The following ARAP2 variants were observed in gnomAD, a reference collection of about 807,000 sequenced individuals.
The protein encoded by ARAP2 is arf-GAP with Rho-GAP domain, ANK repeat and PH domain-containing protein 2.
In ARAP2, 148 loss-of-function variants were observed where a neutral mutation model predicts 194.5. The observed-to-expected ratio is 0.76, with a 90% CI of 0.67 to 0.87. ARAP2 has a LOEUF of 0.87. ARAP2 is among the 40% of genes least tolerant of loss of function. The pLI is 0.00. For missense variants in ARAP2, 2,128 were observed against 1,989.7 expected (o/e 1.07, Z -1.32); for synonymous variants, 695 against 683.5 (o/e 1.02, Z -0.26).
intron 6 of ARAP2, among the ~76,000 whole-genome samples, chr4:36,208,878 A>T (rs115707939): frequency 0.02 from 3,076 of 152,260 alleles, 95 homozygotes; most frequent in African/African-American, 0.07. Context: ...TATTTCCCCT[A>T]AAATGGAAAA....
chr4:36,038,322 A>G (rs188279778), intron 5 of ARAP2, among the ~76,000 whole-genome samples: 2 of 152,312 alleles, frequency 1.3e-5, no homozygotes, highest in Non-Finnish European at 2.9e-5. Flanking sequence ...AAAAGACTAT[A>G]AAGGATCAGG....
intron 31 of ARAP2, among the ~76,000 whole-genome samples, chr4:36,078,344 T>G (rs959192471): frequency 6.6e-6 from 1 of 152,108 alleles, no homozygotes; most frequent in African/African-American, 2.4e-5. Flanking sequence ...GAGAATGGGA[T>G]ATTTAAGCTG....
chr4:36,182,109 G>A (rs1408736757), intron 8 of ARAP2, among the ~76,000 whole-genome samples: 2 of 152,220 alleles, frequency 1.3e-5, no homozygotes, highest in Non-Finnish European at 1.5e-5. Context: ...CAGTACAGGA[G>A]AAAGGGAACA....
intron 5 of ARAP2, among the ~76,000 whole-genome samples, chr4:36,024,263 T>C (rs1456972859): frequency 6.6e-6 from 1 of 152,182 alleles, no homozygotes; most frequent in Non-Finnish European, 1.5e-5. Flanking sequence ...ATATATATGT[T>C]TATTCAAAAT....
At position 36,073,694 on chromosome 4, in the gene ARAP2, T is replaced by C. The variant is rs751004534; in HGVS notation, c.4738A>G (p.Ile1580Val). Residue 1580 changes from isoleucine (I) to valine (V), a missense_variant, in exon 32 of 33, where the codon ATT (isoleucine) becomes GTT (valine). Transcript: ENST00000303965. ...EGNATLARKN[I>V]ESARAELERL... Reference sequence around the variant, plus strand: ...CAAACAAAATCCTAACCTACCTCAATATTTTTCCGGGCCAAGGTTGCATTC... The same window carrying C: ...CAAACAAAATCCTAACCTACCTCAACATTTTTCCGGGCCAAGGTTGCATTC... 2 of 1,611,474 alleles carry C rather than the reference T, an allele frequency of 1.2e-6. No homozygotes were observed. Among genetic ancestry groups the C allele is most frequent in the East Asian group, 2.2e-5 (1 of 44,824 alleles).
At chr4:36,108,001 T>C (rs1205960118) in intron 26 of ARAP2, among the ~76,000 whole-genome samples, 2 of 151,956 alleles carry the variant, frequency 1.3e-5, no homozygotes, top group Admixed American at 6.6e-5. Flanking sequence ...ACCTTTTGTA[T>C]AATAAATTCT....
chr4:36,142,759 T>C (rs571435526), intron 19 of ARAP2, among the ~76,000 whole-genome samples: 6 of 151,696 alleles, frequency 4.0e-5, no homozygotes, highest in Admixed American at 1.3e-4. Flanking sequence ...AAATGATGTA[T>C]AGTCATCAAA....
intron 5 of ARAP2, among the ~76,000 whole-genome samples, chr4:36,040,027 G>A (rs1392414263): frequency 6.6e-6 from 1 of 152,200 alleles, no homozygotes; most frequent in East Asian, 1.9e-4. Context: ...ATAGCTAGAG[G>A]GATTTGTATG....
intron 2 of ARAP2, among the ~76,000 whole-genome samples, chr4:36,054,921 T>C (rs764045796): frequency 1.3e-5 from 2 of 152,202 alleles, no homozygotes; most frequent in Non-Finnish European, 2.9e-5. Context: ...TGGTGATGGA[T>C]TACAAATGAG....
intron 20 of ARAP2, among the ~76,000 whole-genome samples, chr4:36,132,655 T>A (rs1009427431): frequency 2.0e-5 from 3 of 151,802 alleles, no homozygotes; most frequent in African/African-American, 7.2e-5. Context: ...GACATGAAGC[T>A]GGACCATGGT....
intron 19 of ARAP2, among the ~76,000 whole-genome samples, chr4:36,145,856 C>A (rs1729516388): frequency 6.6e-6 from 1 of 151,898 alleles, no homozygotes. Context: ...GTGAACCCGT[C>A]CAGTTCCTTG....
chr4:36,204,323 G>C (rs148360126), intron 6 of ARAP2, among the ~76,000 whole-genome samples: 1 of 152,144 alleles, frequency 6.6e-6, no homozygotes, highest in African/African-American at 2.4e-5. Context: ...ATTATTTCCA[G>C]TTAAGATTTC....
chr4:36,012,038 C>G (rs1285926850), intron 9 of ARAP2, among the ~76,000 whole-genome samples: 1 of 152,054 alleles, frequency 6.6e-6, no homozygotes, highest in Non-Finnish European at 1.5e-5. Context: ...AGGAAATGGC[C>G]TCAACATTTC....
At position 36,095,320 on chromosome 4, in the gene ARAP2, A is replaced by T. The variant is rs189531788; in HGVS notation, c.4286-3300T>A. On this transcript the variant is annotated intron_variant, in intron 27 of 32. Transcript: ENST00000303965. ...TTACATTTTATTTTTAGCATGTTCTAAATGGCTAAATGTGTTTCTGGGATT... is the reference window on the plus strand; with the variant it reads ...TTACATTTTATTTTTAGCATGTTCTTAATGGCTAAATGTGTTTCTGGGATT... Among the ~76,000 whole-genome samples, 4 of 152,298 alleles carry T rather than the reference A, an allele frequency of 2.6e-5. No individual in the cohort carries two copies. In the South Asian group the frequency reaches 6.2e-4, roughly 24 times the overall value.
intron 5 of ARAP2, among the ~76,000 whole-genome samples, chr4:36,043,826 A>AAGGGAAGGGAAGGGAAGGGG (rs1560311450): frequency 3.6e-5 from 1 of 27,418 alleles, no homozygotes; most frequent in Admixed American, 7.3e-4. Context: ...AAGGGAAGGG[A>AAGGGAAGGGAAGGGAAGGGG]AGGGGAGGGG....
chr4:36,108,531 T>A (rs1227621438), intron 26 of ARAP2, among the ~76,000 whole-genome samples: 1 of 152,010 alleles, frequency 6.6e-6, no homozygotes, highest in Non-Finnish European at 1.5e-5. Flanking sequence ...GATGTGTCAA[T>A]ATTATAGACT....
At chr4:36,197,974 CATG>C (rs1743503207) in intron 6 of ARAP2, among the ~76,000 whole-genome samples, 2 of 152,148 alleles carry the variant, frequency 1.3e-5, no homozygotes, top group South Asian at 4.1e-4. Context: ...TCACCCATAA[CATG>C]ATGAGAAGGC....
At chr4:36,091,360 C>A (rs1213778441) in intron 28 of ARAP2, among the ~76,000 whole-genome samples, 1 of 152,082 alleles carries the variant, frequency 6.6e-6, no homozygotes, top group South Asian at 2.1e-4. Context: ...CTCTTATCCA[C>A]TCCACAATTA....
chr4:36,212,636 GA>G (rs1408046990), intron 4 of ARAP2, 149 bp from the exon 5 acceptor site: 17 of 501,816 alleles, frequency 3.4e-5, no homozygotes, highest in African/African-American at 3.9e-5. Context: ...TCAATTTTCA[GA>G]AAAAAAAGTT....
Sources: gnomAD v4.1 joint callset for allele counts (sites outside exome capture counted in the v4.1 genomes callset) on GRCh38, gnomAD v4.1.1 for gene constraint, MANE v1.5 for transcripts, NCBI Gene and HGNC (gene_info 2026-07-23, HGNC 2026-07-21) for gene names.